Variants in PHF14 observed in about 807,000 individuals in gnomAD.
The protein encoded by PHF14 is PHD finger protein 14.
PHF14 carries 55 observed loss-of-function variants against 117.9 expected under a neutral mutation model. That is an observed-to-expected ratio of 0.47 (90% CI 0.38 to 0.58). The LOEUF is 0.58. PHF14 is among the 20% of genes least tolerant of loss of function. The probability of loss-of-function intolerance (pLI) is 0.00; values close to 1 mark genes in which losing one functional copy is unlikely to be tolerated. For missense variants in PHF14, 978 were observed against 1,122.2 expected, an observed-to-expected ratio of 0.87 and a Z score of 1.84; for synonymous variants, 409 against 368.6, an observed-to-expected ratio of 1.11 and a Z score of -1.26.
chr7:11,085,910 A>G (rs1420712491), intron 16 of PHF14, among the ~76,000 whole-genome samples: 2 of 152,114 alleles, frequency 1.3e-5, no homozygotes, highest in Non-Finnish European at 2.9e-5. Context: ...AACTGTGGTT[A>G]AATGCTTGAA....
intron 16 of PHF14, among the ~76,000 whole-genome samples, chr7:11,092,041 A>G (rs2906548): frequency 0.48 from 72,321 of 151,878 alleles, 17,838 homozygotes; most frequent in East Asian, 0.85. Context: ...TCAAGATGAG[A>G]TTTTAATACT....
intron 4 of PHF14, among the ~76,000 whole-genome samples, chr7:11,007,346 G>T (rs1783158198): frequency 6.6e-6 from 1 of 151,744 alleles, no homozygotes; most frequent in African/African-American, 2.4e-5. Flanking sequence ...TTTCCATCCT[G>T]TTCTGTATCC....
chr7:11,020,832 CT>C (rs1783710155), intron 5 of PHF14, among the ~76,000 whole-genome samples: 2 of 152,022 alleles, frequency 1.3e-5, no homozygotes, highest in South Asian at 2.1e-4. Context: ...AGCTTTTAGG[CT>C]TTTTTTTCCT....
At chr7:11,026,992 G>C (rs1020526162) in intron 6 of PHF14, among the ~76,000 whole-genome samples, 1 of 152,020 alleles carries the variant, frequency 6.6e-6, no homozygotes, top group African/African-American at 2.4e-5. Context: ...GTTCTCCTGT[G>C]TTCTCAGTTG....
At chr7:11,150,558 TCTC>T (rs1415070782) in intron 17 of PHF14, among the ~76,000 whole-genome samples, 1 of 152,146 alleles carries the variant, frequency 6.6e-6, no homozygotes, top group Non-Finnish European at 1.5e-5. Flanking sequence ...ATTTCTTTCT[TCTC>T]ATTCTTTCAT....
At chr7:11,115,715 C>T (rs573384695) in intron 17 of PHF14, among the ~76,000 whole-genome samples, 3 of 151,966 alleles carry the variant, frequency 2.0e-5, no homozygotes, top group African/African-American at 4.8e-5. Context: ...CAAAAGGATT[C>T]GGTATAGAAT....
chr7:11,043,920 G>T (rs1270203348), intron 13 of PHF14, among the ~76,000 whole-genome samples: 4 of 151,992 alleles, frequency 2.6e-5, no homozygotes, highest in African/African-American at 4.8e-5. Flanking sequence ...CTTAAATGAA[G>T]TTATGGACCC....
Position 11,004,768 on chromosome 7 carries a change from G to A in PHF14, c.1046-8979G>A, listed in dbSNP as rs181923913. Among the ~76,000 whole-genome samples, 627 of 151,958 alleles carry A rather than the reference G, an allele frequency of 4.1e-3. 9 individuals carry two copies. The highest frequency in any genetic ancestry group is 6.6e-3 in the Non-Finnish European group (447 of 67,960). Reference sequence around the variant, plus strand: ...ACGTATAATGTGGCTGGGTGCGGTGGCTCATGCCTGTAATCCCAGCACTTT... The same window carrying A: ...ACGTATAATGTGGCTGGGTGCGGTGACTCATGCCTGTAATCCCAGCACTTT... On this transcript the variant is annotated intron_variant, in intron 4 of 17. Transcript: ENST00000634607.
intron 16 of PHF14, among the ~76,000 whole-genome samples, chr7:11,086,847 A>G (rs1037214658): frequency 2.6e-5 from 4 of 152,116 alleles, no homozygotes; most frequent in Non-Finnish European, 4.4e-5. Flanking sequence ...TTCTATGTGT[A>G]TGATACCTAT....
chr7:11,045,132 C>G (rs1181280647), intron 13 of PHF14, among the ~76,000 whole-genome samples: 1 of 152,198 alleles, frequency 6.6e-6, no homozygotes, highest in African/African-American at 2.4e-5. Flanking sequence ...AGTATTTGTA[C>G]TGTAGAAATT....
intron 5 of PHF14, among the ~76,000 whole-genome samples, chr7:11,021,356 A>C (rs920170344): frequency 1.3e-5 from 2 of 152,344 alleles, no homozygotes; most frequent in African/African-American, 4.8e-5. Flanking sequence ...GCATCTAAAC[A>C]GATGAGCAAG....
chr7:11,013,989 A>G, intron 5 of PHF14, 83 bp downstream of exon 5: 1 of 832,090 alleles, frequency 1.2e-6, no homozygotes, highest in South Asian at 2.5e-5. Flanking sequence ...GTTTATGATT[A>G]CACACTTTCA....
intron 4 of PHF14, among the ~76,000 whole-genome samples, chr7:10,995,754 G>C (rs1782621693): frequency 1.3e-5 from 2 of 152,210 alleles, no homozygotes; most frequent in Admixed American, 1.3e-4. Context: ...GGCCAGCACT[G>C]CTGGGGGACC....
At chr7:11,112,202 C>T (rs919582407) in intron 17 of PHF14, among the ~76,000 whole-genome samples, 4 of 151,956 alleles carry the variant, frequency 2.6e-5, no homozygotes, top group African/African-American at 4.8e-5. Context: ...TAGATTAATC[C>T]GATTTTTCTT....
At chr7:11,040,561 T>A in intron 11 of PHF14, 111 bp from the exon 12 acceptor site, 1 of 433,588 alleles carries the variant, frequency 2.3e-6, no homozygotes, top group Admixed American at 4.4e-5. Flanking sequence ...TAAAGCAGAT[T>A]TCCCCCTAAC....
At chr7:11,083,939 C>T (rs2906566) in intron 16 of PHF14, among the ~76,000 whole-genome samples, 70,282 of 151,930 alleles carry the variant, frequency 0.46, 16,849 homozygotes, top group East Asian at 0.85. Flanking sequence ...ATGGGATGCC[C>T]GTCTGGGGCA....
intron 2 of PHF14, among the ~76,000 whole-genome samples, chr7:10,979,553 CTTTT>C (rs202055293): frequency 1.5e-5 from 2 of 131,796 alleles, no homozygotes; most frequent in Non-Finnish European, 3.3e-5. Flanking sequence ...CTTTCTCTCT[CTTTT>C]TTTTTTTTTT....
chr7:11,065,876 C>G (rs900189758), intron 16 of PHF14, among the ~76,000 whole-genome samples: 1 of 152,054 alleles, frequency 6.6e-6, no homozygotes, highest in African/African-American at 2.4e-5. Flanking sequence ...AGCTAAGAAC[C>G]CTGGAATCCA....
intron 13 of PHF14, among the ~76,000 whole-genome samples, chr7:11,046,947 T>C (rs1203839031): frequency 6.6e-6 from 1 of 152,054 alleles, no homozygotes; most frequent in Non-Finnish European, 1.5e-5. Context: ...AAGTAAATCA[T>C]GAATTATTTG....
Sources: gnomAD v4.1 joint callset for allele counts (sites outside exome capture counted in the v4.1 genomes callset) on GRCh38, gnomAD v4.1.1 for gene constraint, MANE v1.5 for transcripts, NCBI Gene and HGNC (gene_info 2026-07-23, HGNC 2026-07-21) for gene names.